The following CDC42EP1 variants were observed in gnomAD, a reference collection of about 807,000 sequenced individuals.
CDC42EP1 encodes the protein 55 kDa bone marrow stromal/endothelial cell protein.
Under a neutral mutation model 7.4 loss-of-function variants are expected in CDC42EP1, and 6 were observed. That is an observed-to-expected ratio of 0.81 (90% CI 0.44 to 1.60). The LOEUF (loss-of-function observed/expected upper bound fraction) is 1.60, where lower values mean the gene tolerates loss of function less well. CDC42EP1 is among the 40% of genes most tolerant of loss of function. The pLI is 0.01. For synonymous variants in CDC42EP1, 238 were observed against 227.1 expected (o/e 1.05, Z -0.43); for missense variants, 567 against 539.0 (o/e 1.05, Z -0.51).
Position 37,566,349 on chromosome 22 carries a change from G to T in CDC42EP1, c.-1G>T. The T allele has an allele frequency of 6.7e-7, 1 of 1,491,998 alleles. No homozygotes were observed. The allele number at this position is 1,491,998 out of a possible 1,614,324, so 92.4% of individuals were successfully genotyped here. ...CTAGCAGCTGTGAGCAGCCAGAGCT[G>T]ATGCCCGGCCCCCAGGGGGGCAGAG... On this transcript the variant is annotated 5_prime_UTR_variant, in exon 2 of 3. Coordinates refer to ENST00000249014, the MANE Select transcript of CDC42EP1 (RefSeq NM_152243.3). This position sits in a 1 kb window ranked among gnomAD's most constrained non-coding sequence, Gnocchi z 6.4.
rs772130894 is a variant in CDC42EP1, at chr22:37,568,434, G to A, written c.790G>A (p.Ala264Thr). 2.3e-5 allele frequency: 35 copies of A among 1,544,116 alleles called. No homozygotes were observed. Among genetic ancestry groups the A allele is most frequent in the African/African-American group, 5.4e-5 (4 of 73,686 alleles). ...TGCTGCAAACCCCTCAGCACCTGCC[G>A]CAACCCCCACGGGTCCTGCTGCAAA... ...APAANPSAPAATPTGPAANPP... is the reference protein window; with the variant it reads ...APAANPSAPATTPTGPAANPP... The change falls in exon 3 of 3, where the codon GCA becomes ACA. Residue 264 changes from alanine (A) to threonine (T), a missense_variant. Physicochemically the swap from Ala to Thr is moderately conservative, Grantham distance 58 (BLOSUM62 0). Transcript: ENST00000249014.
chr22:37,563,495 TC>T (rs546762633), intron 1 of CDC42EP1, among the ~76,000 whole-genome samples: 3 of 148,400 alleles, frequency 2.0e-5, no homozygotes, highest in Admixed American at 1.3e-4. Flanking sequence ...ATTCAGAAGT[TC>T]CCCCCCACGA....
intron 1 of CDC42EP1, among the ~76,000 whole-genome samples, chr22:37,563,437 T>C (rs1355683063): frequency 6.6e-6 from 1 of 151,550 alleles, no homozygotes; most frequent in Admixed American, 6.6e-5. Flanking sequence ...CAGCAAACAT[T>C]CCACGAGGAC....
intron 1 of CDC42EP1, among the ~76,000 whole-genome samples, chr22:37,561,057 C>G (rs1392641859): frequency 6.6e-6 from 1 of 152,106 alleles, no homozygotes; most frequent in Non-Finnish European, 1.5e-5. Context: ...CGCCGCATTC[C>G]AGGCTGGAGC....
chr22:37,569,138 A>C lies in CDC42EP1; in HGVS notation c.*318A>C. 1 of 231,340 alleles carries C rather than the reference A, an allele frequency of 4.3e-6. No homozygotes were observed. The highest frequency in any genetic ancestry group is 8.4e-6 in the Non-Finnish European group (1 of 119,532). The allele number at this position is 231,340 out of a possible 1,614,324, so 14.3% of individuals were successfully genotyped here. A position where few individuals can be genotyped will look rare whatever the true frequency, so the allele number is the denominator to read the frequency against. The stretch of plus-strand genomic sequence containing the variant: ...ACAGTGTGTCCTTTGTGCCAGACCA[A>C]GCGGCCCGTGGGGGGTGGGGGGCAG... On this transcript the variant is annotated 3_prime_UTR_variant, in exon 3 of 3. Coordinates refer to ENST00000249014, the MANE Select transcript of CDC42EP1 (RefSeq NM_152243.3).
chr22:37,568,415 AAACCCCTCAG>A lies in CDC42EP1; in HGVS notation c.772_781del (p.Asn258HisfsTer30). On this transcript the variant is annotated frameshift_variant, in exon 3 of 3. Transcript: ENST00000249014. LOFTEE classifies it low-confidence loss of function (END_TRUNC). ...CTGCAAACCCCCCAGCGCCTGCTGCAAACCCCTCAGCACCTGCCGCAACCCCCACGGGTCC... is the reference window on the plus strand; with the variant it reads ...CTGCAAACCCCCCAGCGCCTGCTGCACACCTGCCGCAACCCCCACGGGTCC... 2 of 352,592 alleles carry A rather than the reference AAACCCCTCAG, an allele frequency of 5.7e-6. No individual in the cohort carries two copies. The highest frequency in any genetic ancestry group is 9.3e-6 in the Non-Finnish European group (2 of 214,028). The allele number at this position is 352,592 out of a possible 1,614,324, so 21.8% of individuals were successfully genotyped here. A position where few individuals can be genotyped will look rare whatever the true frequency, so the allele number is the denominator to read the frequency against.
chr22:37,562,298 G>A lies in CDC42EP1; in HGVS notation c.-279+1710G>A, dbSNP rs114302183. Among the ~76,000 whole-genome samples, 220 of 152,356 alleles carry A rather than the reference G, an allele frequency of 1.4e-3. 1 individual carries two copies. The highest frequency in any genetic ancestry group is 5.0e-3 in the African/African-American group (209 of 41,578). On this transcript the variant is annotated intron_variant, in intron 1 of 2. Transcript: ENST00000249014. Reference sequence around the variant, plus strand: ...GGTGTTCTGAACACTAACGGGCGGTGTTCCTGAGCAGGTGAGGGGAGGTGA... The same window carrying A: ...GGTGTTCTGAACACTAACGGGCGGTATTCCTGAGCAGGTGAGGGGAGGTGA...
At chr22:37,563,181 C>T (rs1461919806) in intron 1 of CDC42EP1, among the ~76,000 whole-genome samples, 2 of 152,090 alleles carry the variant, frequency 1.3e-5, no homozygotes, top group Admixed American at 6.6e-5. Flanking sequence ...GACCCTTCTA[C>T]AGGACATTGT....
intron 1 of CDC42EP1, 27 bp downstream of exon 1, chr22:37,560,615 G>C (rs1183798928): frequency 1.3e-5 from 2 of 150,756 alleles, no homozygotes; most frequent in South Asian, 4.2e-4. Flanking sequence ...GCGGGTCCTC[G>C]GGGCGGAGGC....
At chr22:37,567,963 C>G in intron 2 of CDC42EP1, 145 bp from the exon 3 acceptor site, 2 of 682,552 alleles carry the variant, frequency 2.9e-6, no homozygotes, top group Non-Finnish European at 2.6e-6. Flanking sequence ...GGAGTGTATT[C>G]TATTGGAAAG....
chr22:37,561,327 G>A (rs1291787496), intron 1 of CDC42EP1, among the ~76,000 whole-genome samples: 1 of 152,248 alleles, frequency 6.6e-6, no homozygotes, highest in African/African-American at 2.4e-5. Context: ...CTGGCCGGGA[G>A]GCCGCAGCGG....
rs760004282 is a variant in CDC42EP1, at chr22:37,566,365, G to A, written c.16G>A (p.Gly6Arg). The change falls in exon 2 of 3, where the codon GGG (glycine) becomes AGG (arginine). Residue 6 changes from glycine (G) to arginine (R), a missense_variant. By Grantham distance (125) the Gly-to-Arg change is moderately radical. Coordinates refer to ENST00000249014, the MANE Select transcript of CDC42EP1 (RefSeq NM_152243.3). This position sits in a 1 kb window ranked among gnomAD's most constrained non-coding sequence, Gnocchi z 6.4. MPGPQ[G>R]GRGAATMSLG... Reference sequence around the variant, plus strand: ...GCCAGAGCTGATGCCCGGCCCCCAGGGGGGCAGAGGCGCCGCCACCATGAG... The same window carrying A: ...GCCAGAGCTGATGCCCGGCCCCCAGAGGGGCAGAGGCGCCGCCACCATGAG... 5.9e-5 allele frequency: 90 copies of A among 1,524,598 alleles called. No homozygotes were observed. Among genetic ancestry groups the A allele is most frequent in the Non-Finnish European group, 7.6e-5 (86 of 1,131,964 alleles). The allele number at this position is 1,524,598 out of a possible 1,614,324, so 94.4% of individuals were successfully genotyped here.
In CDC42EP1 at chr22:37,568,223, C is replaced by T. The variant is rs374489029; in HGVS notation, c.579C>T (p.Leu193=). 28 of 1,613,846 alleles carry T rather than the reference C, an allele frequency of 1.7e-5. No homozygotes were observed. In the African/African-American group the frequency reaches 2.1e-4, roughly 12 times the overall value. ...SEPGLRRSDS[L]LSFRLDLDLG... is the part of the protein sequence containing the mutation. ...CCGGGCTTCGCCGCTCTGACTCTCT[C>T]TTGTCCTTCCGCCTGGACCTCGACC... Residue 193 remains leucine (L), a synonymous_variant, in exon 3 of 3, where the codon CTC becomes CTT. Coordinates refer to ENST00000249014, the MANE Select transcript of CDC42EP1 (RefSeq NM_152243.3).
chr22:37,561,996 A>T (rs768369451), intron 1 of CDC42EP1, among the ~76,000 whole-genome samples: 4 of 152,136 alleles, frequency 2.6e-5, no homozygotes, highest in Admixed American at 2.6e-4. Flanking sequence ...ACTATCCTCT[A>T]TAGGGTAAAT....
rs1235311344 is a variant in CDC42EP1, at chr22:37,564,885, TCTC to T, written c.-278-1184_-278-1182del. Among the ~76,000 whole-genome samples, 13 of 152,090 alleles carry T rather than the reference TCTC, an allele frequency of 8.5e-5. No homozygotes were observed. The East Asian group carries it at 2.3e-3, about 27-fold the overall frequency. On this transcript the variant is annotated intron_variant, in intron 1 of 2. Transcript: ENST00000249014. ...CCTCTGCCTCCCGGGTTCAAGCAAT[TCTC>T]CTGCCTCAGGCTCCTGAGTAGCTGG...
intron 1 of CDC42EP1, among the ~76,000 whole-genome samples, chr22:37,563,334 T>C (rs576358297): frequency 6.6e-6 from 1 of 152,230 alleles, no homozygotes; most frequent in African/African-American, 2.4e-5. Context: ...CAGTGCTGCC[T>C]GTCAAATAGG....
chr22:37,566,679 G>A lies in CDC42EP1; in HGVS notation c.330G>A (p.Pro110=), dbSNP rs1459045730. The A allele has an allele frequency of 1.5e-5, 24 of 1,610,162 alleles. No individual in the cohort carries two copies. The highest frequency in any genetic ancestry group is 4.5e-5 in the East Asian group (2 of 44,588). The change falls in exon 2 of 3, where the codon CCG becomes CCA. Residue 110 remains proline, a synonymous_variant. Transcript: ENST00000249014. The surrounding 1 kb of genome is among the most constrained non-coding windows in gnomAD (Gnocchi z 6.4). ...CCCCTGCACCCTCCCCGGCTCCACC[G>A]GCCATCTCCCCCATCATCAAGAACG... ...ASPPAPSPAP[P]AISPIIKNAI...
At chr22:37,567,698 G>A (rs951728409) in intron 2 of CDC42EP1, among the ~76,000 whole-genome samples, 1 of 152,174 alleles carries the variant, frequency 6.6e-6, no homozygotes, top group Non-Finnish European at 1.5e-5. Context: ...ACCAGCTCAC[G>A]TGCTATGGGT....
rs117660318 is a variant in CDC42EP1, at chr22:37,564,223, C to G, written c.-278-1849C>G. The stretch of plus-strand genomic sequence containing the variant: ...TCAGAACAAGAGATGCTTAGAGAAG[C>G]TGGAGCAGGGGAGGATGTGTGTGTG... On this transcript the variant is annotated intron_variant, in intron 1 of 2. Transcript: ENST00000249014. 5.1e-4 allele frequency among the ~76,000 whole-genome samples: 77 copies of G among 151,538 alleles called. No homozygotes were observed. The East Asian group carries it at 0.014, about 28-fold the overall frequency.
Sources: allele counts gnomAD v4.1 joint callset (sites outside exome capture counted in the v4.1 genomes callset), GRCh38; gene constraint gnomAD v4.1.1; non-coding constraint Gnocchi (gnomAD v3.1); transcripts MANE v1.5; gene names NCBI Gene and HGNC (gene_info 2026-07-23, HGNC 2026-07-21).